Variants in IFNAR2 observed in about 807,000 individuals in gnomAD.
The protein encoded by IFNAR2 is interferon alpha/beta receptor 2.
In IFNAR2, 30 loss-of-function variants were observed where a neutral mutation model predicts 49.4. The observed-to-expected ratio is 0.61, with a 90% confidence interval of 0.45 to 0.82. The LOEUF is 0.82. IFNAR2 is among the 40% of genes least tolerant of loss of function. The probability of loss-of-function intolerance (pLI) is 0.00; values close to 1 mark genes in which losing one functional copy is unlikely to be tolerated. For missense variants in IFNAR2, 600 were observed against 622.7 expected, an observed-to-expected ratio of 0.96 and a Z score of 0.39; for synonymous variants, 224 against 234.5, an observed-to-expected ratio of 0.96 and a Z score of 0.41.
chr21:33,261,677 CCAGCCTGGGCAATAT>C, intron 8 of IFNAR2, among the ~76,000 whole-genome samples: 1 of 151,880 alleles, frequency 6.6e-6, no homozygotes, highest in Admixed American at 6.6e-5. Context: ...GAGTTTGAGA[CCAGCCTGGGCAATAT>C]AAGGAAACCT....
Position 33,263,023 on chromosome 21 carries a change from C to T in IFNAR2, c.1071C>T (p.Ser357=), listed in dbSNP as rs772214586. 2 of 1,614,138 alleles carry T rather than the reference C, an allele frequency of 1.2e-6. No homozygotes were observed. The change falls in exon 9 of 9, where the codon TCC becomes TCT. Residue 357 remains serine (S), a synonymous_variant. Coordinates refer to ENST00000342136, the MANE Select transcript of IFNAR2 (RefSeq NM_001289125.3). ...LGQASATSTE[S]QLIDPESEEE... is the part of the protein sequence containing the mutation. ...AGGCCTCTGCCACCTCTACAGAATC[C>T]CAGTTGATAGACCCGGAGTCCGAGG...
chr21:33,253,786 T>C (rs1489162884), intron 7 of IFNAR2, among the ~76,000 whole-genome samples: 1 of 152,202 alleles, frequency 6.6e-6, no homozygotes, highest in Non-Finnish European at 1.5e-5. Flanking sequence ...CACATTGCCA[T>C]GGCATTTGTA....
chr21:33,263,422 G>A lies in IFNAR2; in HGVS notation c.1470G>A (p.Trp490Ter). The A allele has an allele frequency of 6.2e-7, 1 of 1,614,056 alleles. No homozygotes were observed. Among genetic ancestry groups the A allele is most frequent in the South Asian group, 1.1e-5 (1 of 91,076 alleles). ...CCAGCCCCTCTTCAGAGGGCCTGTGGTCCGAAGATGCTCCATCTGATCAAA... is the reference window on the plus strand; with the variant it reads ...CCAGCCCCTCTTCAGAGGGCCTGTGATCCGAAGATGCTCCATCTGATCAAA... ...TFPSPSSEGL[W>*]SEDAPSDQSD... is the part of the protein sequence containing the mutation. The change falls in exon 9 of 9, where the codon TGG becomes TGA. Residue 490 changes from tryptophan to a stop codon, truncating the protein, a stop_gained. Transcript: ENST00000342136. LOFTEE classifies it high-confidence loss of function.
At chr21:33,246,622 G>A in intron 4 of IFNAR2, 96 bp from the exon 5 acceptor site, 9 of 840,216 alleles carry the variant, frequency 1.1e-5, no homozygotes, top group Non-Finnish European at 1.7e-5. Context: ...TATTTGGGCA[G>A]AGCCCTAAAG....
At chr21:33,232,684 C>G (rs1173309165) in intron 1 of IFNAR2, among the ~76,000 whole-genome samples, 1 of 150,990 alleles carries the variant, frequency 6.6e-6, no homozygotes, top group Non-Finnish European at 1.5e-5. Flanking sequence ...AACTGAATCA[C>G]AACATACTTT....
At chr21:33,243,137 G>T (rs185886418) in intron 2 of IFNAR2, among the ~76,000 whole-genome samples, 249 of 150,700 alleles carry the variant, frequency 1.7e-3, no homozygotes, top group African/African-American at 5.9e-3. Flanking sequence ...AGGCTGGAAT[G>T]CAGTGAGCGA....
chr21:33,262,602 C>A, intron 8 of IFNAR2, 191 bp from the exon 9 acceptor site: 1 of 784,470 alleles, frequency 1.3e-6, no homozygotes, highest in Non-Finnish European at 2.2e-6. Context: ...TGGCTATTCA[C>A]AGGTGCAGTC....
Position 33,263,674 on chromosome 21 carries a change from A to G in IFNAR2, c.*174A>G. 1 of 614,660 alleles carries G rather than the reference A, an allele frequency of 1.6e-6. No individual in the cohort carries two copies. Among genetic ancestry groups the G allele is most frequent in the Non-Finnish European group, 2.8e-6 (1 of 352,422 alleles). The allele number at this position is 614,660 out of a possible 1,614,324, so 38.1% of individuals were successfully genotyped here. On this transcript the variant is annotated 3_prime_UTR_variant, in exon 9 of 9. Transcript: ENST00000342136. ...TATGCACATTCCCAGTATGGGGACC[A>G]TAGTATCATTCAGTGCATTGTTTAC...
intron 1 of IFNAR2, chr21:33,231,698 C>T (rs1353871251): frequency 1.0e-6 from 1 of 984,166 alleles, no homozygotes; most frequent in Non-Finnish European, 1.2e-6. Context: ...TGGTATGTAT[C>T]ATCTTCCGTT....
At chr21:33,239,504 AG>A (rs1380316081) in intron 1 of IFNAR2, among the ~76,000 whole-genome samples, 1 of 151,868 alleles carries the variant, frequency 6.6e-6, no homozygotes, top group Non-Finnish European at 1.5e-5. Flanking sequence ...GAATGGTAAC[AG>A]CCCTCAATGT....
intron 8 of IFNAR2, 135 bp from the exon 9 acceptor site, chr21:33,262,658 G>A (rs1988704840): frequency 7.7e-7 from 1 of 1,298,966 alleles, no homozygotes. Flanking sequence ...CAGTCGTCCT[G>A]CCTAAGCTTC....
In IFNAR2 at chr21:33,244,160, A is replaced by G. The variant is rs547097599; in HGVS notation, c.97+446A>G. Reference sequence around the variant, plus strand: ...TCACTAAGTATTAAATATGTGTCCAACCTTGTGCTAAGTGTTGGTTGGGGG... The same window carrying G: ...TCACTAAGTATTAAATATGTGTCCAGCCTTGTGCTAAGTGTTGGTTGGGGG... On this transcript the variant is annotated intron_variant, in intron 3 of 8. Coordinates refer to ENST00000342136, the MANE Select transcript of IFNAR2 (RefSeq NM_001289125.3). 3.9e-5 allele frequency among the ~76,000 whole-genome samples: 6 copies of G among 152,328 alleles called. No homozygotes were observed. The South Asian group carries it at 8.3e-4, about 21-fold the overall frequency.
rs753684270 is a variant in IFNAR2 at position 33,248,797 on chromosome 21, A to G, written c.483A>G (p.Glu161=). Residue 161 remains glutamate, a synonymous_variant, in exon 6 of 9, where the codon GAA becomes GAG. Transcript: ENST00000342136. ...AATTTCCATCTATTGTTGAGGAAGA[A>G]TTACAGTTTGATTTATCTCTCGTCA... ...MVKFPSIVEE[E]LQFDLSLVIE... 1 of 1,611,310 alleles carries G rather than the reference A, an allele frequency of 6.2e-7. No individual in the cohort carries two copies. Among genetic ancestry groups the G allele is most frequent in the Non-Finnish European group, 8.5e-7 (1 of 1,178,726 alleles).
intron 8 of IFNAR2, chr21:33,262,530 A>G (rs558585728): frequency 4.3e-6 from 3 of 692,264 alleles, no homozygotes; most frequent in Admixed American, 2.0e-5. Flanking sequence ...TCATCATTCA[A>G]TCTCATTAAG....
Position 33,252,741 on chromosome 21 carries a change from G to A in IFNAR2, c.620G>A (p.Cys207Tyr), listed in dbSNP as rs1332014803. 14 of 1,613,480 alleles carry A rather than the reference G, an allele frequency of 8.7e-6. No homozygotes were observed. Among genetic ancestry groups the A allele is most frequent in the Non-Finnish European group, 1.2e-5 (14 of 1,179,468 alleles). ...AAGTTAATTCCAAACACGAACTACTGTGTATCTGTTTATTTAGAGCACAGT... is the reference window on the plus strand; with the variant it reads ...AAGTTAATTCCAAACACGAACTACTATGTATCTGTTTATTTAGAGCACAGT... ...IDKLIPNTNY[C>Y]VSVYLEHSDE... Residue 207 changes from cysteine to tyrosine, a missense_variant, in exon 7 of 9, where the codon TGT becomes TAT. Cys to Tyr is a radical substitution (Grantham distance 194). Coordinates refer to ENST00000342136, the MANE Select transcript of IFNAR2 (RefSeq NM_001289125.3).
At chr21:33,253,403 C>T (rs549828140) in intron 7 of IFNAR2, among the ~76,000 whole-genome samples, 8 of 152,280 alleles carry the variant, frequency 5.3e-5, no homozygotes, top group East Asian at 1.9e-4. Context: ...AATCAAGCCT[C>T]GGAACTCCCT....
At chr21:33,251,265 C>T (rs1171170937) in intron 6 of IFNAR2, among the ~76,000 whole-genome samples, 4 of 152,166 alleles carry the variant, frequency 2.6e-5, no homozygotes, top group African/African-American at 9.7e-5. Context: ...AGAGTGATGT[C>T]CCGGTAGCTG....
chr21:33,242,498 C>T (rs910538505), intron 2 of IFNAR2, among the ~76,000 whole-genome samples: 3 of 151,610 alleles, frequency 2.0e-5, no homozygotes, highest in Non-Finnish European at 2.9e-5. Context: ...TTTGGGAGGC[C>T]GAGGCAGGTG....
chr21:33,250,240 G>A (rs912870492), intron 6 of IFNAR2, among the ~76,000 whole-genome samples: 1 of 152,160 alleles, frequency 6.6e-6, no homozygotes, highest in Non-Finnish European at 1.5e-5. Context: ...TATGTGGAGT[G>A]TCATTAAATC....
Sources: gnomAD v4.1 joint callset for allele counts (sites outside exome capture counted in the v4.1 genomes callset) on GRCh38, gnomAD v4.1.1 for gene constraint, MANE v1.5 for transcripts, NCBI Gene and HGNC (gene_info 2026-07-23, HGNC 2026-07-21) for gene names.